Variants in LDLRAD4 observed in about 807,000 individuals in gnomAD.
The protein encoded by LDLRAD4 is low density lipoprotein receptor class A domain containing 4.
In LDLRAD4, 5 loss-of-function variants were observed where a neutral mutation model predicts 17.0. The observed-to-expected ratio is 0.29, with a 90% CI of 0.15 to 0.62. LDLRAD4 has a LOEUF of 0.62. Ranked by LOEUF, LDLRAD4 falls within the 20% of genes least tolerant of loss-of-function variation. The pLI, the probability that LDLRAD4 is intolerant of heterozygous loss-of-function variation, is 0.84. For missense variants in LDLRAD4, 340 were observed against 424.7 expected (o/e 0.80, Z 1.75); for synonymous variants, 168 against 171.8 (o/e 0.98, Z 0.17).
At chr18:13,424,795 A>G (rs1004064792) in intron 2 of LDLRAD4, among the ~76,000 whole-genome samples, 10 of 152,226 alleles carry the variant, frequency 6.6e-5, no homozygotes, top group Non-Finnish European at 1.5e-4. Context: ...AGTGATGGGA[A>G]GCCATGGTAT....
chr18:13,612,493 G>C (rs969573469), intron 3 of LDLRAD4: 2 of 1,346,850 alleles, frequency 1.5e-6, no homozygotes, highest in Non-Finnish European at 1.9e-6. Flanking sequence ...AGCACCTGGG[G>C]TGGGCCCTGC....
At chr18:13,264,771 A>G (rs911787607) in intron 1 of LDLRAD4, among the ~76,000 whole-genome samples, 5 of 152,228 alleles carry the variant, frequency 3.3e-5, no homozygotes, top group Admixed American at 6.5e-5. Flanking sequence ...TCTGAGATGC[A>G]TTGCTGAAAA....
chr18:13,557,658 C>T (rs904818509), intron 3 of LDLRAD4, among the ~76,000 whole-genome samples: 1 of 152,218 alleles, frequency 6.6e-6, no homozygotes, highest in Middle Eastern at 3.2e-3. Flanking sequence ...CCTTGGCCTC[C>T]CAAAGTACTG....
At chr18:13,539,310 A>G (rs1460689330) in intron 3 of LDLRAD4, among the ~76,000 whole-genome samples, 2 of 152,236 alleles carry the variant, frequency 1.3e-5, no homozygotes, top group Non-Finnish European at 2.9e-5. Context: ...AACACCAGCT[A>G]GCTGAAGGAA....
chr18:13,555,640 G>GT (rs1327849104), intron 3 of LDLRAD4, among the ~76,000 whole-genome samples: 1 of 152,202 alleles, frequency 6.6e-6, no homozygotes, highest in Non-Finnish European at 1.5e-5. Context: ...CTACCCTAGG[G>GT]TGCAAAGCAA....
At chr18:13,474,346 A>G (rs531175857) in intron 3 of LDLRAD4, among the ~76,000 whole-genome samples, 1 of 151,874 alleles carries the variant, frequency 6.6e-6, no homozygotes, top group East Asian at 2.0e-4. Context: ...TGGGCTGCAC[A>G]TTTCCTAGGT....
intron 1 of LDLRAD4, among the ~76,000 whole-genome samples, chr18:13,338,517 C>A (rs2082218728): frequency 6.6e-6 from 1 of 152,144 alleles, no homozygotes; most frequent in Non-Finnish European, 1.5e-5. Context: ...GTGAATGTTT[C>A]TGAGAGTGTA....
intron 3 of LDLRAD4, among the ~76,000 whole-genome samples, chr18:13,581,319 C>A (rs1011231305): frequency 6.6e-6 from 1 of 152,098 alleles, no homozygotes; most frequent in South Asian, 2.1e-4. Context: ...ATGCTCAACC[C>A]CTAATACATT....
intron 1 of LDLRAD4, among the ~76,000 whole-genome samples, chr18:13,353,959 G>T (rs2083191223): frequency 6.6e-6 from 1 of 152,080 alleles, no homozygotes; most frequent in African/African-American, 2.4e-5. Flanking sequence ...GAGCCTCCTG[G>T]TCTGCTATTT....
intron 1 of LDLRAD4, among the ~76,000 whole-genome samples, chr18:13,303,444 TTCTC>T (rs548920024): frequency 4.6e-5 from 7 of 151,974 alleles, no homozygotes; most frequent in African/African-American, 1.7e-4. Flanking sequence ...CTCTCGCTCT[TTCTC>T]TCTCTCTCCC....
intron 1 of LDLRAD4, among the ~76,000 whole-genome samples, chr18:13,280,265 G>A (rs77584751): frequency 0.033 from 5,095 of 152,276 alleles, 287 homozygotes; most frequent in African/African-American, 0.12. Context: ...GAGTTCTGGC[G>A]TGGTAACTTT....
chr18:13,369,949 G>A (rs2084337916), intron 1 of LDLRAD4, among the ~76,000 whole-genome samples: 1 of 152,182 alleles, frequency 6.6e-6, no homozygotes, highest in Non-Finnish European at 1.5e-5. Context: ...AGCGAGCCGT[G>A]GCTTGGAACT....
intron 2 of LDLRAD4, among the ~76,000 whole-genome samples, chr18:13,413,907 A>T (rs2145738197): frequency 6.6e-6 from 1 of 152,298 alleles, no homozygotes; most frequent in Non-Finnish European, 1.5e-5. Flanking sequence ...AAATTAAAAA[A>T]AAAAAATTTT....
chr18:13,500,252 A>C (rs1164913469), intron 3 of LDLRAD4, among the ~76,000 whole-genome samples: 1 of 145,936 alleles, frequency 6.9e-6, no homozygotes, highest in Non-Finnish European at 1.6e-5. Flanking sequence ...CGGGAATAGC[A>C]GCTGTCTTGT....
intron 1 of LDLRAD4, among the ~76,000 whole-genome samples, chr18:13,366,625 G>C (rs1195543190): frequency 6.6e-6 from 1 of 152,190 alleles, no homozygotes; most frequent in Non-Finnish European, 1.5e-5. Context: ...AAATATGAAG[G>C]TTGTTTCATC....
chr18:13,536,475 A>G (rs925869890), intron 3 of LDLRAD4, among the ~76,000 whole-genome samples: 6 of 152,134 alleles, frequency 3.9e-5, no homozygotes, highest in Non-Finnish European at 7.4e-5. Flanking sequence ...GTATTCTGTG[A>G]CTTTGCTAAA....
chr18:13,481,849 A>T (rs1600703258), intron 3 of LDLRAD4, among the ~76,000 whole-genome samples: 2 of 100,492 alleles, frequency 2.0e-5, no homozygotes, highest in South Asian at 8.9e-4. Context: ...CTTAGAAAAG[A>T]TCTCCTGGAG....
Position 13,621,844 on chromosome 18 carries a change from C to T in LDLRAD4, c.336+573C>T, listed in dbSNP as rs551271005. Among the ~76,000 whole-genome samples the T allele has an allele frequency of 2.3e-5, 3 of 132,622 alleles. No individual in the cohort carries two copies. The highest frequency in any genetic ancestry group is 3.6e-3 in the Middle Eastern group (1 of 280). The allele number at this position is 132,622 out of a possible 152,430, so 87.0% of individuals were successfully genotyped here. A position where few individuals can be genotyped will look rare whatever the true frequency, so the allele number is the denominator to read the frequency against. On this transcript the variant is annotated intron_variant, in intron 4 of 5. Coordinates refer to ENST00000359446, the Ensembl canonical transcript of LDLRAD4. This position sits in a 1 kb window ranked among gnomAD's most constrained non-coding sequence, Gnocchi z 5.5. Reference sequence around the variant, plus strand: ...GGCTTGTCGGCGGTAGGGTTGTCGGCGGTGGGTTGTGGAGGGTGGGGTTGT... The same window carrying T: ...GGCTTGTCGGCGGTAGGGTTGTCGGTGGTGGGTTGTGGAGGGTGGGGTTGT...
intron 1 of LDLRAD4, among the ~76,000 whole-genome samples, chr18:13,364,302 C>T (rs919369636): frequency 2.8e-4 from 42 of 152,038 alleles, no homozygotes; most frequent in African/African-American, 8.9e-4. Context: ...GCCATTATTG[C>T]TTTTTAAGAA....
Sources: gnomAD v4.1 joint callset for allele counts (sites outside exome capture counted in the v4.1 genomes callset) on GRCh38, gnomAD v4.1.1 for gene constraint, Gnocchi (gnomAD v3.1) non-coding constraint, MANE v1.5 for transcripts, NCBI Gene and HGNC (gene_info 2026-07-23, HGNC 2026-07-21) for gene names.